Variants in STRN observed in about 807,000 individuals in gnomAD.
STRN encodes protein phosphatase 2 regulatory subunit B'''alpha.
In STRN, 53 loss-of-function variants were observed where a neutral mutation model predicts 96.3. The observed-to-expected ratio is 0.55, with a 90% confidence interval of 0.44 to 0.69. STRN has a LOEUF of 0.69. Among genes scored for constraint, STRN ranks in the 30% least tolerant of loss-of-function variants. The pLI is 0.00. For missense variants in STRN, 987 were observed against 963.9 expected (o/e 1.02, Z -0.32); for synonymous variants, 428 against 355.9 (o/e 1.20, Z -2.28).
chr2:36,886,487 T>C (rs112438549), intron 8 of STRN, among the ~76,000 whole-genome samples: 22 of 152,336 alleles, frequency 1.4e-4, no homozygotes, highest in Non-Finnish European at 2.2e-4. Flanking sequence ...GGATTTATTA[T>C]TGGGATATAG....
chr2:36,900,495 A>G (rs1450989117), intron 5 of STRN, among the ~76,000 whole-genome samples: 1 of 152,214 alleles, frequency 6.6e-6, no homozygotes, highest in Non-Finnish European at 1.5e-5. Context: ...TCAAATTAAC[A>G]TTGCTACTAG....
intron 6 of STRN, among the ~76,000 whole-genome samples, chr2:36,897,359 A>G (rs1163160590): frequency 1.3e-5 from 2 of 152,028 alleles, no homozygotes; most frequent in Non-Finnish European, 2.9e-5. Context: ...TTAATGTAAT[A>G]TAATGTAAAA....
chr2:36,901,871 AT>A (rs1174218333), intron 5 of STRN, among the ~76,000 whole-genome samples: 2 of 152,186 alleles, frequency 1.3e-5, no homozygotes, highest in Non-Finnish European at 2.9e-5. Flanking sequence ...TTGCTAGAAA[AT>A]TTATAGAGTT....
chr2:36,895,281 C>A (rs1378633523), intron 6 of STRN, among the ~76,000 whole-genome samples: 1 of 151,070 alleles, frequency 6.6e-6, no homozygotes, highest in Non-Finnish European at 1.5e-5. Context: ...GAGCCAAGAT[C>A]GCGCCACTGC....
intron 12 of STRN, among the ~76,000 whole-genome samples, chr2:36,866,809 G>T (rs953484543): frequency 9.9e-5 from 15 of 152,060 alleles, no homozygotes; most frequent in Admixed American, 9.8e-4. Context: ...ATCTTTGTTG[G>T]TTTAAAGTCT....
At chr2:36,938,354 A>G (rs1670758928) in intron 1 of STRN, among the ~76,000 whole-genome samples, 1 of 151,880 alleles carries the variant, frequency 6.6e-6, no homozygotes, top group Non-Finnish European at 1.5e-5. Context: ...TGAATCTGGG[A>G]GGCAGAGGTT....
chr2:36,878,633 G>C (rs373681224), intron 9 of STRN, among the ~76,000 whole-genome samples: 1 of 152,184 alleles, frequency 6.6e-6, no homozygotes, highest in Non-Finnish European at 1.5e-5. Flanking sequence ...GGGTGGTGAC[G>C]TGGGAGGGTA....
chr2:36,878,020 T>C lies in STRN; in HGVS notation c.1194A>G (p.Ala398=). 1 of 1,614,068 alleles carries C rather than the reference T, an allele frequency of 6.2e-7. No individual in the cohort carries two copies. Among genetic ancestry groups the C allele is most frequent in the South Asian group, 1.1e-5 (1 of 91,068 alleles). The change falls in exon 10 of 18, where the codon GCA becomes GCG. Residue 398 remains alanine (A), a synonymous_variant. Coordinates refer to ENST00000263918, the MANE Select transcript of STRN (RefSeq NM_003162.4). The part of the protein sequence containing the change: ...HEINRADEVE[A]LTFPPSSGKS... The stretch of plus-strand genomic sequence containing the variant: ...TTCCAGAAGAAGGAGGAAATGTCAA[T>C]GCTTCCACTGAAGAGGGAAGACAAA...
At chr2:36,957,756 T>TTTG (rs1664929643) in intron 1 of STRN, among the ~76,000 whole-genome samples, 1 of 107,532 alleles carries the variant, frequency 9.3e-6, no homozygotes, top group Non-Finnish European at 2.0e-5. Flanking sequence ...TTTTTTTTTT[T>TTTG]TTTTTTTTTT....
intron 2 of STRN, among the ~76,000 whole-genome samples, chr2:36,922,500 C>G (rs1253389227): frequency 1.7e-5 from 2 of 120,964 alleles, no homozygotes; most frequent in Non-Finnish European, 3.3e-5. Flanking sequence ...GCCTAGGCAA[C>G]AGAGCAAGAC....
chr2:36,900,901 T>C (rs1037944707), intron 5 of STRN, among the ~76,000 whole-genome samples: 1 of 147,598 alleles, frequency 6.8e-6, no homozygotes, highest in African/African-American at 2.5e-5. Flanking sequence ...TCTAAATAAA[T>C]AAATAAATAA....
intron 1 of STRN, among the ~76,000 whole-genome samples, chr2:36,933,073 CACACACACACACAT>C (rs1407542589): frequency 6.6e-6 from 1 of 151,370 alleles, no homozygotes; most frequent in African/African-American, 2.4e-5. Flanking sequence ...CACACACACA[CACACACACACACAT>C]ATATATGCAG....
intron 7 of STRN, among the ~76,000 whole-genome samples, chr2:36,890,264 G>A (rs1308945078): frequency 6.6e-6 from 1 of 152,062 alleles, no homozygotes; most frequent in Admixed American, 6.6e-5. Context: ...AGAAAAGCCA[G>A]TCACTAGGTA....
In STRN at chr2:36,848,478, C is replaced by G. The variant is rs1343068819; in HGVS notation, c.*978G>C. 3 of 152,144 alleles carry G rather than the reference C, an allele frequency of 2.0e-5. No individual in the cohort carries two copies. The highest frequency in any genetic ancestry group is 1.9e-4 in the East Asian group (1 of 5,196). 9.4% of individuals were successfully genotyped at this position (152,144 alleles called of 1,614,324 possible). A position where few individuals can be genotyped will look rare whatever the true frequency, so the allele number is the denominator to read the frequency against. ...ACAAAGAAGAAAGAGCACAGATCAT[C>G]TGAAGCATGATTAGGTGGGTGTTGA... On this transcript the variant is annotated 3_prime_UTR_variant, in exon 18 of 18. Coordinates refer to ENST00000263918, the MANE Select transcript of STRN (RefSeq NM_003162.4).
At chr2:36,859,385 C>CA (rs1421234464) in intron 13 of STRN, among the ~76,000 whole-genome samples, 16 of 151,970 alleles carry the variant, frequency 1.1e-4, no homozygotes, top group Admixed American at 8.5e-4. Flanking sequence ...GAGTCATTAC[C>CA]AAAAAACTAG....
At chr2:36,857,793 G>T in intron 14 of STRN, 63 bp downstream of exon 14, 1 of 1,346,176 alleles carries the variant, frequency 7.4e-7, no homozygotes, top group Non-Finnish European at 1.0e-6. Flanking sequence ...TTATCTGCTT[G>T]CTTATTTTCA....
chr2:36,950,042 G>T (rs1664713670), intron 1 of STRN, among the ~76,000 whole-genome samples: 1 of 151,930 alleles, frequency 6.6e-6, no homozygotes, highest in East Asian at 1.9e-4. Flanking sequence ...GACAACAAAG[G>T]AACAGAGAGA....
chr2:36,842,480 T>C lies in STRN; in HGVS notation c.*6976A>G, dbSNP rs781536374. 6.6e-6 allele frequency: 1 copy of C among 152,192 alleles called. No individual in the cohort carries two copies. The highest frequency in any genetic ancestry group is 2.4e-5 in the African/African-American group (1 of 41,452). 9.4% of individuals were successfully genotyped at this position (152,192 alleles called of 1,614,324 possible). A position where few individuals can be genotyped will look rare whatever the true frequency, so the allele number is the denominator to read the frequency against. On this transcript the variant is annotated 3_prime_UTR_variant, in exon 18 of 18. Coordinates refer to ENST00000263918, the MANE Select transcript of STRN (RefSeq NM_003162.4). The stretch of plus-strand genomic sequence containing the variant: ...AAGAGGGACACAGAAAAAGTCAATG[T>C]GGAGCTGGCATCTGGACCACTCTTC...
At chr2:36,957,916 AATTTTTT>A (rs1455739323) in intron 1 of STRN, among the ~76,000 whole-genome samples, 2 of 128,498 alleles carry the variant, frequency 1.6e-5, no homozygotes, top group East Asian at 4.4e-4. Context: ...ACGCCCAGCT[AATTTTTT>A]TTTTTTTTTT....
Sources: gnomAD v4.1 joint callset for allele counts (sites outside exome capture counted in the v4.1 genomes callset) on GRCh38, gnomAD v4.1.1 for gene constraint, MANE v1.5 for transcripts, NCBI Gene and HGNC (gene_info 2026-07-23, HGNC 2026-07-21) for gene names.